Variants in JHY observed in about 807,000 individuals in gnomAD.
JHY encodes the protein jhy protein homolog.
JHY carries 69 observed loss-of-function variants against 78.0 expected under a neutral mutation model. The observed-to-expected ratio is 0.88, with a 90% CI of 0.73 to 1.08. JHY has a LOEUF of 1.08. Among genes scored for constraint, JHY ranks in the 50% least tolerant of loss-of-function variants. The pLI, the probability that JHY is intolerant of heterozygous loss-of-function variation, is 0.00. For missense variants in JHY, 944 were observed against 927.8 expected, an observed-to-expected ratio of 1.02 and a Z score of -0.23; for synonymous variants, 368 against 342.6, an observed-to-expected ratio of 1.07 and a Z score of -0.82.
intron 3 of JHY, chr11:122,905,238 T>C: frequency 6.2e-7 from 1 of 1,614,048 alleles, no homozygotes; most frequent in South Asian, 1.1e-5. Flanking sequence ...GTAAACTTAG[T>C]TCCATTTCAC....
At position 122,932,738 on chromosome 11, in the gene JHY, A is replaced by G. The variant is rs545667243; in HGVS notation, c.979-1682A>G. 3.3e-5 allele frequency among the ~76,000 whole-genome samples: 5 copies of G among 152,248 alleles called. No individual in the cohort carries two copies. The East Asian group carries it at 9.6e-4, about 29-fold the overall frequency. ...CCTATAATATTGTAATATAGCAATT[A>G]TTTTCTGGATCCATTACAAGAAAGG... On this transcript the variant is annotated intron_variant, in intron 4 of 8. Coordinates refer to ENST00000227349, the MANE Select transcript of JHY (RefSeq NM_024806.4).
Position 122,959,545 on chromosome 11 carries a change from T to C in JHY, c.*100T>C. On this transcript the variant is annotated 3_prime_UTR_variant, in exon 9 of 9. Transcript: ENST00000227349. ...CTGCGTTGAGAGTAATGGCCTATTA[T>C]TATCATCTATCTGCCGTCCATGTTT... 1.8e-6 allele frequency: 2 copies of C among 1,098,654 alleles called. No homozygotes were observed. Among genetic ancestry groups the C allele is most frequent in the South Asian group, 3.1e-5 (2 of 63,514 alleles). The allele number at this position is 1,098,654 out of a possible 1,614,324, so 68.1% of individuals were successfully genotyped here.
chr11:122,936,819 A>G (rs961464993), intron 5 of JHY, among the ~76,000 whole-genome samples: 1 of 152,228 alleles, frequency 6.6e-6, no homozygotes, highest in Non-Finnish European at 1.5e-5. Flanking sequence ...TAATTTTCCT[A>G]TCTGCCACTG....
intron 6 of JHY, among the ~76,000 whole-genome samples, chr11:122,950,797 C>T (rs1591399433): frequency 6.6e-6 from 1 of 152,302 alleles, no homozygotes; most frequent in East Asian, 1.9e-4. Flanking sequence ...CAGTGTGTGT[C>T]ACCAGAAATC....
chr11:122,919,855 C>A (rs1325135704), intron 3 of JHY, among the ~76,000 whole-genome samples: 1 of 152,110 alleles, frequency 6.6e-6, no homozygotes, highest in South Asian at 2.1e-4. Context: ...TCAGTGTCAC[C>A]CAATTCTCAC....
intron 4 of JHY, among the ~76,000 whole-genome samples, chr11:122,932,567 G>A (rs893086629): frequency 6.6e-6 from 1 of 152,136 alleles, no homozygotes; most frequent in Non-Finnish European, 1.5e-5. Flanking sequence ...TACTTCTCTA[G>A]CGAGTTAAAG....
At chr11:122,886,313 A>G in intron 2 of JHY, 120 bp downstream of exon 2, 1 of 930,428 alleles carries the variant, frequency 1.1e-6, no homozygotes, top group Non-Finnish European at 1.6e-6. Flanking sequence ...TGTGTGAGAC[A>G]GGTCTCCAAG....
At chr11:122,906,812 A>G (rs1252995127) in intron 3 of JHY, among the ~76,000 whole-genome samples, 5 of 152,168 alleles carry the variant, frequency 3.3e-5, no homozygotes, top group Non-Finnish European at 7.4e-5. Context: ...TCTTTGTGCC[A>G]TGGAGGAAAC....
intron 5 of JHY, among the ~76,000 whole-genome samples, chr11:122,936,683 T>C (rs1031550147): frequency 6.6e-6 from 1 of 152,212 alleles, no homozygotes; most frequent in Non-Finnish European, 1.5e-5. Context: ...ATTTTTCTGA[T>C]AACCCTTTTA....
At chr11:122,938,889 C>T (rs559706620) in intron 5 of JHY, among the ~76,000 whole-genome samples, 9 of 151,432 alleles carry the variant, frequency 5.9e-5, no homozygotes, top group African/African-American at 2.2e-4. Flanking sequence ...TTGGCTTCTT[C>T]AGAATGAAAA....
chr11:122,932,253 C>T (rs1863651852), intron 4 of JHY, among the ~76,000 whole-genome samples: 1 of 152,080 alleles, frequency 6.6e-6, no homozygotes, highest in Non-Finnish European at 1.5e-5. Flanking sequence ...CGTATCAAGC[C>T]CATAAATGGC....
chr11:122,896,873 T>C (rs1280743879), intron 2 of JHY, among the ~76,000 whole-genome samples: 1 of 152,140 alleles, frequency 6.6e-6, no homozygotes, highest in African/African-American at 2.4e-5. Flanking sequence ...TGTTTGTTTT[T>C]TGAGACAGAG....
chr11:122,911,905 CAAAAAAAAAAAAA>C (rs59941995), intron 3 of JHY, among the ~76,000 whole-genome samples: 17 of 49,720 alleles, frequency 3.4e-4, no homozygotes, highest in East Asian at 2.6e-3. Flanking sequence ...AACTCTGTCT[CAAAAAAAAAAAAA>C]AAAAAAAAAA....
At chr11:122,954,330 G>A (rs925351983) in intron 6 of JHY, among the ~76,000 whole-genome samples, 4 of 152,302 alleles carry the variant, frequency 2.6e-5, no homozygotes, top group African/African-American at 9.6e-5. Flanking sequence ...GACTTCATGG[G>A]CAAGAGTTCA....
chr11:122,886,223 T>C (rs759479608), intron 2 of JHY, 30 bp downstream of exon 2: 4 of 1,562,086 alleles, frequency 2.6e-6, no homozygotes, highest in African/African-American at 2.7e-5. Flanking sequence ...AAGATAATAA[T>C]GGGCTCTAAA....
At chr11:122,943,083 C>T (rs143136912) in intron 5 of JHY, among the ~76,000 whole-genome samples, 2 of 152,290 alleles carry the variant, frequency 1.3e-5, no homozygotes, top group African/African-American at 4.8e-5. Context: ...TTATGTTGCT[C>T]AGGCTGGTCT....
At chr11:122,950,020 A>G (rs7121176) in intron 6 of JHY, among the ~76,000 whole-genome samples, 14,708 of 151,490 alleles carry the variant, frequency 0.097, 1,442 homozygotes, top group African/African-American at 0.25. Flanking sequence ...TTTTAGTAGA[A>G]ATGGGGTTTC....
At chr11:122,904,766 T>C (rs1280052151) in intron 3 of JHY, among the ~76,000 whole-genome samples, 1 of 152,212 alleles carries the variant, frequency 6.6e-6, no homozygotes, top group East Asian at 1.9e-4. Flanking sequence ...TATCCGAAAT[T>C]CTCCATTCAA....
Position 122,917,191 on chromosome 11 carries a change from A to G in JHY, c.865-7706A>G, listed in dbSNP as rs1475126385. Among the ~76,000 whole-genome samples the G allele has an allele frequency of 2.0e-5, 3 of 152,218 alleles. No individual in the cohort carries two copies. Among genetic ancestry groups the G allele is most frequent in the Non-Finnish European group, 4.4e-5 (3 of 68,040 alleles). The stretch of plus-strand genomic sequence containing the variant: ...AGACTCTTGGTAAACATACAACTCA[A>G]CAAGTGGAAGTAGAAGTACCAAGGT... On this transcript the variant is annotated intron_variant, in intron 3 of 8. Coordinates refer to ENST00000227349, the MANE Select transcript of JHY (RefSeq NM_024806.4). This position sits in a 1 kb window ranked among gnomAD's most constrained non-coding sequence, Gnocchi z 4.1.
Sources: allele counts gnomAD v4.1 joint callset (sites outside exome capture counted in the v4.1 genomes callset), GRCh38; gene constraint gnomAD v4.1.1; non-coding constraint Gnocchi (gnomAD v3.1); transcripts MANE v1.5; gene names NCBI Gene and HGNC (gene_info 2026-07-23, HGNC 2026-07-21).